The following NECAB1 variants were observed in gnomAD, a reference collection of about 807,000 sequenced individuals.
The protein encoded by NECAB1 is N-terminal EF-hand calcium binding protein 1, also known as N-terminal EF-hand calcium-binding protein 1.
NECAB1 carries 29 observed loss-of-function variants against 57.5 expected under a neutral mutation model. The observed-to-expected ratio is 0.50, with a 90% confidence interval of 0.38 to 0.69. The LOEUF (loss-of-function observed/expected upper bound fraction) is 0.69, where lower values mean the gene tolerates loss of function less well. Among genes scored for constraint, NECAB1 ranks in the 30% least tolerant of loss-of-function variants. The probability of loss-of-function intolerance (pLI) is 0.00; values close to 1 mark genes in which losing one functional copy is unlikely to be tolerated. For synonymous variants in NECAB1, 142 were observed against 147.7 expected (o/e 0.96, Z 0.28); for missense variants, 372 against 413.8 (o/e 0.90, Z 0.88).
intron 5 of NECAB1, among the ~76,000 whole-genome samples, chr8:90,911,814 T>G (rs1447420798): frequency 2.0e-5 from 3 of 152,150 alleles, no homozygotes; most frequent in African/African-American, 7.2e-5. Context: ...CATTACACTT[T>G]ATAATATCCT....
chr8:90,868,291 T>C (rs1256559495), intron 3 of NECAB1, among the ~76,000 whole-genome samples: 1 of 152,162 alleles, frequency 6.6e-6, no homozygotes, highest in East Asian at 1.9e-4. Flanking sequence ...AAATTGGTAA[T>C]AGAGAAGTGG....
intron 4 of NECAB1, among the ~76,000 whole-genome samples, chr8:90,879,037 AT>A (rs1563514655): frequency 7.1e-6 from 1 of 141,564 alleles, no homozygotes; most frequent in Non-Finnish European, 1.5e-5. Context: ...TATATTTATT[AT>A]TTATTATTTA....
At chr8:90,954,377 T>C (rs1810978942) in intron 12 of NECAB1, among the ~76,000 whole-genome samples, 1 of 151,964 alleles carries the variant, frequency 6.6e-6, no homozygotes, top group Non-Finnish European at 1.5e-5. Context: ...ATAAAATCAT[T>C]CAAATGAAGC....
intron 2 of NECAB1, among the ~76,000 whole-genome samples, chr8:90,815,794 A>G (rs548900206): frequency 9.9e-5 from 15 of 152,102 alleles, no homozygotes; most frequent in East Asian, 7.7e-4. Context: ...CCATGCGTCT[A>G]CTTCAGTTGA....
chr8:90,816,875 C>T (rs1256645073), intron 2 of NECAB1, among the ~76,000 whole-genome samples: 2 of 151,602 alleles, frequency 1.3e-5, no homozygotes, highest in African/African-American at 2.4e-5. Flanking sequence ...GTTGAGGTAA[C>T]ATTGAATCAA....
intron 3 of NECAB1, among the ~76,000 whole-genome samples, chr8:90,851,954 T>C (rs1343436308): frequency 1.3e-5 from 2 of 150,636 alleles, no homozygotes; most frequent in Non-Finnish European, 3.0e-5. Flanking sequence ...CCCAACCCCA[T>C]TTTGTTTTTA....
intron 8 of NECAB1, 60 bp downstream of exon 8, chr8:90,928,359 T>TC: frequency 7.7e-7 from 1 of 1,296,126 alleles, no homozygotes; most frequent in Non-Finnish European, 1.1e-6. Flanking sequence ...TACCTAATAT[T>TC]CCCCATTGCT....
chr8:90,843,998 C>T (rs999234561), intron 3 of NECAB1, among the ~76,000 whole-genome samples: 8 of 151,710 alleles, frequency 5.3e-5, no homozygotes, highest in African/African-American at 2.0e-4. Flanking sequence ...TTTTTCCTTA[C>T]AGGTATAACA....
intron 2 of NECAB1, among the ~76,000 whole-genome samples, chr8:90,820,538 G>C (rs961023396): frequency 6.6e-6 from 1 of 151,766 alleles, no homozygotes; most frequent in Non-Finnish European, 1.5e-5. Flanking sequence ...CCAGTGTTTT[G>C]AGAGCATAAT....
intron 5 of NECAB1, among the ~76,000 whole-genome samples, chr8:90,900,701 C>G (rs1050971381): frequency 6.6e-6 from 1 of 152,140 alleles, no homozygotes; most frequent in Non-Finnish European, 1.5e-5. Context: ...TTATCTGTTG[C>G]CATGGCAAAG....
At chr8:90,851,113 G>A (rs530171172) in intron 3 of NECAB1, among the ~76,000 whole-genome samples, 6 of 152,284 alleles carry the variant, frequency 3.9e-5, no homozygotes, top group African/African-American at 1.4e-4. Flanking sequence ...ACAGCATCCA[G>A]GTTTGTGAAC....
intron 12 of NECAB1, among the ~76,000 whole-genome samples, chr8:90,955,014 T>C (rs1038043365): frequency 6.8e-6 from 1 of 146,142 alleles, no homozygotes; most frequent in African/African-American, 2.5e-5. Context: ...CATATGCATA[T>C]ATGTATATAC....
intron 2 of NECAB1, chr8:90,806,870 T>G (rs1811854814): frequency 6.6e-6 from 1 of 152,236 alleles, no homozygotes. Context: ...TTTTCCCTAT[T>G]TTTTAAGTGA....
At chr8:90,901,251 A>AG (rs1809496537) in intron 5 of NECAB1, among the ~76,000 whole-genome samples, 1 of 151,332 alleles carries the variant, frequency 6.6e-6, no homozygotes, top group African/African-American at 2.4e-5. Flanking sequence ...AAAAAAAAAA[A>AG]TGGTGTTTAT....
chr8:90,901,901 G>C (rs1204447793), intron 5 of NECAB1, among the ~76,000 whole-genome samples: 1 of 148,748 alleles, frequency 6.7e-6, no homozygotes, highest in Non-Finnish European at 1.5e-5. Context: ...CTCTGTATTT[G>C]TGTGTGTGTG....
chr8:90,855,080 G>A (rs190440634), intron 3 of NECAB1, among the ~76,000 whole-genome samples: 11 of 152,262 alleles, frequency 7.2e-5, no homozygotes, highest in African/African-American at 2.6e-4. Context: ...AAACAAACAT[G>A]TAGCCCTCAG....
At chr8:90,839,292 A>G (rs1812418875) in intron 3 of NECAB1, among the ~76,000 whole-genome samples, 1 of 152,202 alleles carries the variant, frequency 6.6e-6, no homozygotes, top group African/African-American at 2.4e-5. Context: ...GTTAAATTTG[A>G]ACTCTGAAGT....
Position 90,952,819 on chromosome 8 carries a change from T to G in NECAB1, c.1030+1615T>G, listed in dbSNP as rs1810948297. ...AAAATTAAAATAAAATAAAATAAAATAGGGAGAAAAATCTTAGAATACAAC... is the reference window on the plus strand; with the variant it reads ...AAAATTAAAATAAAATAAAATAAAAGAGGGAGAAAAATCTTAGAATACAAC... On this transcript the variant is annotated intron_variant, in intron 12 of 12. Coordinates refer to ENST00000417640, the MANE Select transcript of NECAB1 (RefSeq NM_022351.5). Among the ~76,000 whole-genome samples, 3 of 151,734 alleles carry G rather than the reference T, an allele frequency of 2.0e-5. No individual in the cohort carries two copies. The South Asian group carries it at 6.2e-4, about 32-fold the overall frequency.
At chr8:90,815,528 C>T (rs373651104) in intron 2 of NECAB1, among the ~76,000 whole-genome samples, 1 of 151,934 alleles carries the variant, frequency 6.6e-6, no homozygotes, top group East Asian at 1.9e-4. Context: ...CAAAAGTCCT[C>T]TGTTCTTGTC....
Sources: allele counts gnomAD v4.1 joint callset (sites outside exome capture counted in the v4.1 genomes callset), GRCh38; gene constraint gnomAD v4.1.1; transcripts MANE v1.5; gene names NCBI Gene and HGNC (gene_info 2026-07-23, HGNC 2026-07-21).